GMDS: variants seen among roughly 807,000 people sequenced by gnomAD.
The protein encoded by GMDS is GDP-mannose 4,6 dehydratase.
A neutral mutation model predicts 49.9 loss-of-function variants in GMDS; 20 were observed. That is an observed-to-expected ratio of 0.40 (90% CI 0.28 to 0.58). The LOEUF (loss-of-function observed/expected upper bound fraction) is 0.58. Among genes scored for constraint, GMDS ranks in the 20% least tolerant of loss-of-function variants. The probability of loss-of-function intolerance (pLI) is 0.42; values close to 1 mark genes in which losing one functional copy is unlikely to be tolerated. For synonymous variants in GMDS, 177 were observed against 178.6 expected (o/e 0.99, Z 0.07); for missense variants, 362 against 481.4 (o/e 0.75, Z 2.32).
At chr6:1,708,647 T>C (rs1765829537) in intron 9 of GMDS, among the ~76,000 whole-genome samples, 2 of 152,262 alleles carry the variant, frequency 1.3e-5, no homozygotes, top group Non-Finnish European at 2.9e-5. Flanking sequence ...TGGTAGAATA[T>C]TCCTTTTGAA....
chr6:2,225,963 C>A (rs1419689536), intron 1 of GMDS, among the ~76,000 whole-genome samples: 2 of 151,996 alleles, frequency 1.3e-5, no homozygotes, highest in African/African-American at 4.8e-5. Flanking sequence ...CACTTCCTGG[C>A]AGGTGAACTC....
intron 1 of GMDS, among the ~76,000 whole-genome samples, chr6:2,177,219 G>A (rs1778323922): frequency 6.6e-6 from 1 of 152,150 alleles, no homozygotes; most frequent in Non-Finnish European, 1.5e-5. Flanking sequence ...CAATGAAGTG[G>A]GAAAAAGATT....
chr6:2,048,676 T>A (rs1474102908), intron 4 of GMDS, among the ~76,000 whole-genome samples: 1 of 152,206 alleles, frequency 6.6e-6, no homozygotes, highest in Non-Finnish European at 1.5e-5. Context: ...ATTACCTACT[T>A]TCTCTTAAGT....
intron 9 of GMDS, among the ~76,000 whole-genome samples, chr6:1,670,535 AG>A (rs1282151151): frequency 6.6e-6 from 1 of 152,016 alleles, no homozygotes. Context: ...GATATGTAAA[AG>A]AAATTGGCTT....
intron 9 of GMDS, among the ~76,000 whole-genome samples, chr6:1,660,304 C>A (rs1424878441): frequency 2.6e-5 from 4 of 152,020 alleles, no homozygotes; most frequent in African/African-American, 9.7e-5. Flanking sequence ...TCTAGGATTT[C>A]AGCTGTAGGA....
At chr6:2,028,403 C>T (rs913023565) in intron 4 of GMDS, among the ~76,000 whole-genome samples, 1 of 152,210 alleles carries the variant, frequency 6.6e-6, no homozygotes, top group Non-Finnish European at 1.5e-5. Flanking sequence ...TTTGACTGGA[C>T]TTTCATTTAT....
chr6:2,120,800 C>T (rs1233112003), intron 2 of GMDS, among the ~76,000 whole-genome samples: 1 of 152,114 alleles, frequency 6.6e-6, no homozygotes, highest in African/African-American at 2.4e-5. Flanking sequence ...GGAAGAAATG[C>T]AAACAGCTCC....
intron 9 of GMDS, among the ~76,000 whole-genome samples, chr6:1,637,015 A>AC (rs1273020266): frequency 6.6e-6 from 1 of 152,142 alleles, no homozygotes; most frequent in Non-Finnish European, 1.5e-5. Context: ...ACACCTTGAG[A>AC]CTGCTTCTTG....
intron 7 of GMDS, among the ~76,000 whole-genome samples, chr6:1,902,183 A>C (rs1760534469): frequency 6.6e-6 from 1 of 152,240 alleles, no homozygotes; most frequent in South Asian, 2.1e-4. Context: ...AAGCTTATTT[A>C]TCTAAATTTC....
At chr6:1,858,065 T>C (rs17134387) in intron 7 of GMDS, among the ~76,000 whole-genome samples, 3,352 of 152,258 alleles carry the variant, frequency 0.022, 116 homozygotes, top group African/African-American at 0.076. Flanking sequence ...CGAAGATCTA[T>C]GTCATACTAC....
At chr6:1,757,305 C>T (rs926364267) in intron 7 of GMDS, among the ~76,000 whole-genome samples, 4 of 152,172 alleles carry the variant, frequency 2.6e-5, no homozygotes, top group South Asian at 2.1e-4. Flanking sequence ...GCTGTCACAA[C>T]GTACTTCCCA....
chr6:1,997,953 G>C lies in GMDS; in HGVS notation c.346-36987C>G, dbSNP rs1201857869. ...ATCTTCTGGGAAATGCAAAGATACT[G>C]CCTCTCAGAGGCAGTACAAGAAGCC... On this transcript the variant is annotated intron_variant, in intron 4 of 10. Coordinates refer to ENST00000380815, the MANE Select transcript of GMDS (RefSeq NM_001500.4). Among the ~76,000 whole-genome samples, 9 of 152,258 alleles carry C rather than the reference G, an allele frequency of 5.9e-5. No homozygotes were observed. The East Asian group carries it at 1.7e-3, about 29-fold the overall frequency.
intron 7 of GMDS, among the ~76,000 whole-genome samples, chr6:1,770,461 T>C (rs1229139231): frequency 6.6e-6 from 1 of 152,168 alleles, no homozygotes; most frequent in Non-Finnish European, 1.5e-5. Context: ...GGAGCACACA[T>C]AGGGTGAAGC....
At chr6:2,220,230 C>T (rs1045905863) in intron 1 of GMDS, among the ~76,000 whole-genome samples, 1 of 152,204 alleles carries the variant, frequency 6.6e-6, no homozygotes, top group African/African-American at 2.4e-5. Context: ...TCCTTCAATA[C>T]TTCTGATGTT....
At chr6:1,914,400 G>GAGCTT (rs1290654397) in intron 7 of GMDS, among the ~76,000 whole-genome samples, 1 of 150,250 alleles carries the variant, frequency 6.7e-6, no homozygotes, top group Non-Finnish European at 1.5e-5. Flanking sequence ...CCAGGAGGTG[G>GAGCTT]AGCTTAAAGT....
chr6:1,652,061 A>G (rs960673201), intron 9 of GMDS, among the ~76,000 whole-genome samples: 17 of 151,676 alleles, frequency 1.1e-4, no homozygotes, highest in Non-Finnish European at 7.4e-5. Flanking sequence ...GAGAGCTAAG[A>G]TCAGAAATCT....
intron 4 of GMDS, among the ~76,000 whole-genome samples, chr6:1,964,957 T>C (rs6911904): frequency 0.61 from 92,209 of 151,358 alleles, 28,188 homozygotes; most frequent in Admixed American, 0.65. Context: ...TTGCTGAGAA[T>C]GATGGTTTCC....
rs533745520 is a variant in GMDS, at chr6:2,153,260, C to T, written c.103-28529G>A. Among the ~76,000 whole-genome samples the T allele has an allele frequency of 4.6e-5, 7 of 152,092 alleles. No homozygotes were observed. The South Asian group carries it at 6.2e-4, about 14-fold the overall frequency. ...AAATACTAGAAAAAGGCTGGATAAACGCATTTACAACCCTAGACCAGGGAA... is the reference window on the plus strand; with the variant it reads ...AAATACTAGAAAAAGGCTGGATAAATGCATTTACAACCCTAGACCAGGGAA... On this transcript the variant is annotated intron_variant, in intron 1 of 10. Coordinates refer to ENST00000380815, the MANE Select transcript of GMDS (RefSeq NM_001500.4).
At chr6:2,164,829 T>C (rs1409699570) in intron 1 of GMDS, among the ~76,000 whole-genome samples, 1 of 152,256 alleles carries the variant, frequency 6.6e-6, no homozygotes, top group Non-Finnish European at 1.5e-5. Flanking sequence ...ATGTGGTGTT[T>C]GAGCTGGAAA....
Sources: allele counts gnomAD v4.1 joint callset (sites outside exome capture counted in the v4.1 genomes callset), GRCh38; gene constraint gnomAD v4.1.1; transcripts MANE v1.5; gene names NCBI Gene and HGNC (gene_info 2026-07-23, HGNC 2026-07-21).